FRY: variants seen among roughly 807,000 people sequenced by gnomAD.
The protein encoded by FRY is FRY microtubule binding protein.
FRY carries 128 observed loss-of-function variants against 348.4 expected under a neutral mutation model. The observed-to-expected ratio is 0.37, with a 90% CI of 0.32 to 0.43. FRY has a LOEUF of 0.43. Ranked by LOEUF, FRY falls within the 20% of genes least tolerant of loss-of-function variation. The pLI is 1.00. For synonymous variants in FRY, 1,370 were observed against 1,374.7 expected, an observed-to-expected ratio of 1.00 and a Z score of 0.08; for missense variants, 2,736 against 3,695.2, an observed-to-expected ratio of 0.74 and a Z score of 6.73.
chr13:32,118,132 T>C (rs1446836644), intron 4 of FRY, among the ~76,000 whole-genome samples: 3 of 152,208 alleles, frequency 2.0e-5, no homozygotes, highest in Non-Finnish European at 2.9e-5. Context: ...TTCTCATTAA[T>C]GTGTGTCCTC....
intron 36 of FRY, among the ~76,000 whole-genome samples, chr13:32,219,092 C>CTTT (rs35364945): frequency 5.1e-5 from 7 of 137,996 alleles, no homozygotes; most frequent in African/African-American, 1.9e-4. Flanking sequence ...TATATATATA[C>CTTT]TTTTTTTTTT....
intron 14 of FRY, 21 bp from the exon 15 acceptor site, chr13:32,155,470 T>C: frequency 1.3e-6 from 2 of 1,595,246 alleles, no homozygotes; most frequent in Non-Finnish European, 8.6e-7. Context: ...CCTTTTGTCA[T>C]GACAATATTG....
chr13:32,281,069 T>C (rs1315532434), intron 58 of FRY, among the ~76,000 whole-genome samples: 3 of 152,174 alleles, frequency 2.0e-5, no homozygotes, highest in Admixed American at 2.0e-4. Context: ...TACTTATTCC[T>C]CTCCCTCTCT....
chr13:32,129,562 G>T (rs1879223476), intron 7 of FRY, among the ~76,000 whole-genome samples: 3 of 152,086 alleles, frequency 2.0e-5, no homozygotes, highest in Admixed American at 6.5e-5. Context: ...AGTTTGGGGT[G>T]CTGTCTTGAA....
At chr13:32,281,587 G>T (rs1414848388) in intron 58 of FRY, among the ~76,000 whole-genome samples, 1 of 152,136 alleles carries the variant, frequency 6.6e-6, no homozygotes, top group Non-Finnish European at 1.5e-5. Context: ...CCAAGCTTTG[G>T]CCCCATTGTC....
At chr13:32,179,119 G>GAA in intron 22 of FRY, 86 bp downstream of exon 22, 1 of 973,312 alleles carries the variant, frequency 1.0e-6, no homozygotes, top group Non-Finnish European at 1.6e-6. Context: ...ATTGCACTGT[G>GAA]CCTGCCATCT....
chr13:32,127,380 AT>A (rs1425022870), intron 7 of FRY, among the ~76,000 whole-genome samples: 5 of 151,892 alleles, frequency 3.3e-5, no homozygotes, highest in Admixed American at 1.3e-4. Flanking sequence ...GGTCATTGAA[AT>A]TTTTTTTTCT....
At chr13:32,094,550 C>T (rs2138600556) in intron 2 of FRY, among the ~76,000 whole-genome samples, 1 of 152,086 alleles carries the variant, frequency 6.6e-6, no homozygotes, top group East Asian at 1.9e-4. Flanking sequence ...CATCCTTCTA[C>T]TCTGTGTCTA....
At chr13:32,040,452 A>T (rs761502477) in intron 1 of FRY, among the ~76,000 whole-genome samples, 33 of 152,204 alleles carry the variant, frequency 2.2e-4, no homozygotes, top group Non-Finnish European at 4.1e-4. Flanking sequence ...ACATCATGAT[A>T]TTCATCAGTT....
chr13:32,115,960 T>G (rs1878277744), intron 3 of FRY, among the ~76,000 whole-genome samples: 1 of 152,162 alleles, frequency 6.6e-6, no homozygotes, highest in Admixed American at 6.5e-5. Context: ...TACCATATCA[T>G]GAACATTTTC....
In FRY at chr13:32,237,633, C is replaced by A; in HGVS notation, c.6065C>A (p.Ser2022Tyr). The A allele has an allele frequency of 6.2e-7, 1 of 1,614,136 alleles. No homozygotes were observed. The highest frequency in any genetic ancestry group is 8.5e-7 in the Non-Finnish European group (1 of 1,180,004). ...CTCTCCTCAAAAACCAGAAGCTCAT[C>A]CTCCTTGAAGGACAGTCTCACGGAC... ...QGLSSKTRSS[S>Y]SLKDSLTDPS... Residue 2022 changes from serine to tyrosine, a missense_variant, in exon 44 of 61, where the codon TCC (serine) becomes TAC (tyrosine). This residue lies in a region of FRY where 789 missense variants were observed against 996.2 expected (regional missense o/e 0.79). Transcript: ENST00000542859. This position sits in a 1 kb window ranked among gnomAD's most constrained non-coding sequence, Gnocchi z 6.3.
chr13:32,266,315 T>A (rs1413037398), intron 54 of FRY, among the ~76,000 whole-genome samples: 2 of 152,198 alleles, frequency 1.3e-5, no homozygotes, highest in African/African-American at 4.8e-5. Context: ...AGAGAAGAAT[T>A]TGACCTTTCA....
chr13:32,033,831 T>C (rs1872368046), intron 1 of FRY, among the ~76,000 whole-genome samples: 1 of 152,198 alleles, frequency 6.6e-6, no homozygotes. Context: ...GAAGAGGAAA[T>C]ATACTTTGTT....
chr13:32,170,523 G>GTTTGT (rs773290355), intron 17 of FRY, among the ~76,000 whole-genome samples: 27 of 152,222 alleles, frequency 1.8e-4, no homozygotes, highest in East Asian at 1.4e-3. Flanking sequence ...AAAATTAGAA[G>GTTTGT]TTTGTTTTGT....
chr13:32,215,726 C>G (rs908821982), intron 35 of FRY, among the ~76,000 whole-genome samples: 1 of 152,184 alleles, frequency 6.6e-6, no homozygotes, highest in Non-Finnish European at 1.5e-5. Context: ...TGTGTCACCA[C>G]ACCTAGCTCA....
chr13:32,191,243 C>G (rs1883317381), intron 28 of FRY, among the ~76,000 whole-genome samples: 1 of 152,104 alleles, frequency 6.6e-6, no homozygotes, highest in East Asian at 1.9e-4. Context: ...ATATCTTCAT[C>G]CCTGGGGTTA....
At chr13:32,085,125 T>C (rs1875773000) in intron 2 of FRY, among the ~76,000 whole-genome samples, 1 of 152,230 alleles carries the variant, frequency 6.6e-6, no homozygotes. Flanking sequence ...TGCCCTAAAA[T>C]GTGCTGAGTA....
chr13:32,052,398 C>T (rs1403036372), intron 1 of FRY, among the ~76,000 whole-genome samples: 1 of 152,124 alleles, frequency 6.6e-6, no homozygotes, highest in Non-Finnish European at 1.5e-5. Context: ...TTATAAAAAG[C>T]GTTAATTGGT....
intron 59 of FRY, among the ~76,000 whole-genome samples, chr13:32,291,421 T>C (rs898391352): frequency 6.6e-6 from 1 of 151,632 alleles, no homozygotes; most frequent in Non-Finnish European, 1.5e-5. Context: ...TTTTCTTTTT[T>C]CGAGATAGAA....
Sources: allele counts gnomAD v4.1 joint callset (sites outside exome capture counted in the v4.1 genomes callset), GRCh38; gene constraint gnomAD v4.1.1; regional missense constraint gnomAD v4.1.1; non-coding constraint Gnocchi (gnomAD v3.1); transcripts MANE v1.5; gene names NCBI Gene and HGNC (gene_info 2026-07-23, HGNC 2026-07-21).